KCNT2: variants seen among roughly 807,000 people sequenced by gnomAD.
KCNT2 encodes the protein potassium channel subfamily T member 2.
KCNT2 carries 67 observed loss-of-function variants against 153.8 expected under a neutral mutation model. The observed-to-expected ratio is 0.44, with a 90% CI of 0.36 to 0.53. The LOEUF is 0.53. Ranked by LOEUF, KCNT2 falls within the 20% of genes least tolerant of loss-of-function variation. KCNT2 has a pLI of 0.00. For synonymous variants in KCNT2, 500 were observed against 458.8 expected, an observed-to-expected ratio of 1.09 and a Z score of -1.15; for missense variants, 975 against 1,354.8, an observed-to-expected ratio of 0.72 and a Z score of 4.40.
intron 1 of KCNT2, among the ~76,000 whole-genome samples, chr1:196,503,107 T>C (rs904050901): frequency 6.6e-6 from 1 of 151,804 alleles, no homozygotes; most frequent in Non-Finnish European, 1.5e-5. Context: ...TTTAGGCCTG[T>C]AATAAATTAT....
intron 2 of KCNT2, among the ~76,000 whole-genome samples, chr1:196,491,972 A>G (rs1484196314): frequency 1.3e-5 from 2 of 152,044 alleles, no homozygotes; most frequent in Non-Finnish European, 1.5e-5. Context: ...TATTTTCCTC[A>G]ATGTTTATAC....
chr1:196,350,909 G>C (rs1386827092), intron 14 of KCNT2, among the ~76,000 whole-genome samples: 1 of 152,068 alleles, frequency 6.6e-6, no homozygotes, highest in South Asian at 2.1e-4. Context: ...TCCAGTTTCA[G>C]CTTTCTACAT....
chr1:196,591,208 T>C (rs530063920), intron 1 of KCNT2, among the ~76,000 whole-genome samples: 1 of 152,172 alleles, frequency 6.6e-6, no homozygotes, highest in Admixed American at 6.5e-5. Context: ...GTTGGTTGTT[T>C]AAAGAAGCCT....
intron 20 of KCNT2, chr1:196,317,409 T>G: frequency 3.9e-6 from 1 of 253,804 alleles, no homozygotes; most frequent in South Asian, 3.9e-5. Flanking sequence ...AAATTTATCA[T>G]AATTTTTCTT....
intron 26 of KCNT2, among the ~76,000 whole-genome samples, chr1:196,237,270 GAC>G (rs1488848445): frequency 6.6e-6 from 1 of 151,678 alleles, no homozygotes; most frequent in Non-Finnish European, 1.5e-5. Flanking sequence ...TAATATGAAA[GAC>G]ACTATTTTCG....
chr1:196,588,415 C>T (rs1005356680), intron 1 of KCNT2, among the ~76,000 whole-genome samples: 1 of 152,026 alleles, frequency 6.6e-6, no homozygotes, highest in African/African-American at 2.4e-5. Context: ...TCCAAGAAGG[C>T]AATGTCAAAG....
intron 22 of KCNT2, among the ~76,000 whole-genome samples, chr1:196,299,123 GAAAT>G (rs1417189117): frequency 6.6e-6 from 1 of 151,832 alleles, no homozygotes; most frequent in Non-Finnish European, 1.5e-5. Flanking sequence ...CAAGAGAAAA[GAAAT>G]AAGCCTTTGG....
At chr1:196,413,248 A>C (rs188786322) in intron 12 of KCNT2, among the ~76,000 whole-genome samples, 12 of 151,592 alleles carry the variant, frequency 7.9e-5, no homozygotes, top group Non-Finnish European at 1.6e-4. Context: ...TTTGGACTAA[A>C]CTGGGTAAAA....
At chr1:196,596,100 A>G (rs549498796) in intron 1 of KCNT2, among the ~76,000 whole-genome samples, 2 of 141,650 alleles carry the variant, frequency 1.4e-5, no homozygotes, top group Admixed American at 7.0e-5. Context: ...ATATATATAT[A>G]TCACATTTTC....
intron 3 of KCNT2, among the ~76,000 whole-genome samples, chr1:196,488,769 A>G (rs761966907): frequency 3.9e-5 from 6 of 152,022 alleles, no homozygotes; most frequent in Non-Finnish European, 4.4e-5. Flanking sequence ...ATTCAGCAGC[A>G]TTCACTGACC....
chr1:196,278,186 C>A (rs1375203005), intron 25 of KCNT2, among the ~76,000 whole-genome samples: 1 of 152,020 alleles, frequency 6.6e-6, no homozygotes, highest in African/African-American at 2.4e-5. Context: ...ACCTTATTTA[C>A]CAGGAAATTA....
At chr1:196,401,940 CAAAG>C (rs981948453) in intron 12 of KCNT2, among the ~76,000 whole-genome samples, 1 of 151,234 alleles carries the variant, frequency 6.6e-6, no homozygotes, top group Non-Finnish European at 1.5e-5. Flanking sequence ...TGACAGCACC[CAAAG>C]AAAGAGTCAT....
At chr1:196,503,672 C>A (rs1389526047) in intron 1 of KCNT2, among the ~76,000 whole-genome samples, 1 of 152,024 alleles carries the variant, frequency 6.6e-6, no homozygotes, top group Non-Finnish European at 1.5e-5. Context: ...GGAGAGGGAA[C>A]CAATAGGTCT....
chr1:196,259,554 T>C (rs1293316819), intron 25 of KCNT2: 2 of 152,050 alleles, frequency 1.3e-5, no homozygotes, highest in African/African-American at 4.8e-5. Flanking sequence ...ATGCATGTGT[T>C]GCTGGCTTTT....
chr1:196,468,609 C>G lies in KCNT2; in HGVS notation c.459+385G>C, dbSNP rs542417041. ...GACTTAATAAATCTTGTGGTTAAAC[C>G]ACAGATAGATATTTTCAACGTATGA... On this transcript the variant is annotated intron_variant, in intron 6 of 27. Coordinates refer to ENST00000294725, the MANE Select transcript of KCNT2 (RefSeq NM_198503.5). Among the ~76,000 whole-genome samples, 9 of 151,900 alleles carry G rather than the reference C, an allele frequency of 5.9e-5. No homozygotes were observed. In the South Asian group the frequency reaches 1.2e-3, roughly 21 times the overall value.
intron 25 of KCNT2, among the ~76,000 whole-genome samples, chr1:196,271,209 T>C (rs1340070654): frequency 6.6e-6 from 1 of 152,066 alleles, no homozygotes; most frequent in African/African-American, 2.4e-5. Flanking sequence ...TGTATTCTTA[T>C]GTAAATAGTC....
At chr1:196,420,541 T>A (rs1403541483) in intron 12 of KCNT2, among the ~76,000 whole-genome samples, 1 of 151,894 alleles carries the variant, frequency 6.6e-6, no homozygotes, top group Non-Finnish European at 1.5e-5. Flanking sequence ...TTTAGAGTGA[T>A]CAATGTTTAA....
At chr1:196,232,330 A>G (rs1033455264) in intron 27 of KCNT2, among the ~76,000 whole-genome samples, 1 of 151,780 alleles carries the variant, frequency 6.6e-6, no homozygotes, top group Non-Finnish European at 1.5e-5. Flanking sequence ...CCGAAAGTGA[A>G]TTTTTAGAAA....
In KCNT2 at chr1:196,465,073, C is replaced by T. The variant is rs1677487996; in HGVS notation, c.638+220G>A. 2.0e-5 allele frequency among the ~76,000 whole-genome samples: 3 copies of T among 151,908 alleles called. No individual in the cohort carries two copies. The South Asian group carries it at 6.2e-4, about 32-fold the overall frequency. On this transcript the variant is annotated intron_variant, in intron 8 of 27. Coordinates refer to ENST00000294725, the MANE Select transcript of KCNT2 (RefSeq NM_198503.5). ...AGCAGTTGGTAAAATGCCAGAGTTG[C>T]AGTATATATCAATAGCAAATGATGT...
Sources: gnomAD v4.1 joint callset for allele counts (sites outside exome capture counted in the v4.1 genomes callset) on GRCh38, gnomAD v4.1.1 for gene constraint, MANE v1.5 for transcripts, NCBI Gene and HGNC (gene_info 2026-07-23, HGNC 2026-07-21) for gene names.